The following TUBB2A variants were observed in gnomAD, a reference collection of about 807,000 sequenced individuals.
TUBB2A encodes tubulin beta-2A chain.
A neutral mutation model predicts 33.9 loss-of-function variants in TUBB2A; 7 were observed. That is an observed-to-expected ratio of 0.21 (90% CI 0.12 to 0.39). The LOEUF is 0.39. TUBB2A is among the 10% of genes least tolerant of loss of function. The pLI is 1.00. For missense variants in TUBB2A, 80 were observed against 593.4 expected (o/e 0.13, Z 8.99); for synonymous variants, 187 against 247.6 (o/e 0.76, Z 2.30).
chr6:3,156,196 G>A (rs1411048717), intron 1 of TUBB2A, 44 bp from the exon 2 acceptor site: 10 of 1,613,314 alleles, frequency 6.2e-6, no homozygotes, highest in South Asian at 2.2e-5. Context: ...CATCCTGAAT[G>A]TCACTAAGGA....
chr6:3,157,511 G>T lies in TUBB2A; in HGVS notation c.-48C>A. ...GCGCTGGCCCTCGGAGCGGTGCGCGGCGTGGACCGGCGGGCTGGGCTGCGC... is the reference window on the plus strand; with the variant it reads ...GCGCTGGCCCTCGGAGCGGTGCGCGTCGTGGACCGGCGGGCTGGGCTGCGC... On this transcript the variant is annotated 5_prime_UTR_variant, in exon 1 of 4. Transcript: ENST00000333628. 2 of 1,451,828 alleles carry T rather than the reference G, an allele frequency of 1.4e-6. No individual in the cohort carries two copies. Among genetic ancestry groups the T allele is most frequent in the Non-Finnish European group, 1.8e-6 (2 of 1,106,088 alleles). 89.9% of individuals were successfully genotyped at this position (1,451,828 alleles called of 1,614,324 possible). A position where few individuals can be genotyped will look rare whatever the true frequency, so the allele number is the denominator to read the frequency against.
At position 3,153,762 on chromosome 6, in the gene TUBB2A, T is replaced by C; in HGVS notation, c.*101A>G. 6.5e-7 allele frequency: 1 copy of C among 1,549,512 alleles called. No individual in the cohort carries two copies. The highest frequency in any genetic ancestry group is 8.8e-7 in the Non-Finnish European group (1 of 1,141,104). On this transcript the variant is annotated 3_prime_UTR_variant, in exon 4 of 4. Transcript: ENST00000333628. ...CATCATTACATCAACAGTGTGAATT[T>C]CTAACAGAGGCAAAACTGAGCACCA...
In TUBB2A at chr6:3,154,052, C is replaced by T. The variant is rs1762592051; in HGVS notation, c.1149G>A (p.Glu383=). 2 of 1,563,466 alleles carry T rather than the reference C, an allele frequency of 1.3e-6. No individual in the cohort carries two copies. Among genetic ancestry groups the T allele is most frequent in the African/African-American group, 1.5e-5 (1 of 67,806 alleles). Residue 383 remains glutamate (E), a synonymous_variant, in exon 4 of 4, where the codon GAG becomes GAA. Transcript: ENST00000333628. ...TGCGCCGGAACATGGCCGTGAACTG[C>T]TCGGAGATGCGCTTGAACAGCTCCT... ...AIQELFKRIS[E]QFTAMFRRKA... is the part of the protein sequence containing the mutation.
At chr6:3,156,242 G>A (rs1762630996) in intron 1 of TUBB2A, 90 bp from the exon 2 acceptor site, 1 of 1,437,898 alleles carries the variant, frequency 7.0e-7, no homozygotes, top group South Asian at 1.4e-5. Context: ...TGGAACAGGG[G>A]CTTTTGTGGT....
chr6:3,153,957 A>G lies in TUBB2A; in HGVS notation c.1244T>C (p.Met415Thr), dbSNP rs1225533404. Reference protein sequence around the residue: ...EMEFTEAESNMNDLVSEYQQY... With the variant: ...EMEFTEAESNTNDLVSEYQQY... ...CTGGTACTCGGACACCAGGTCGTTC[A>G]TGTTGCTCTCGGCCTCGGTGAACTC... The change falls in exon 4 of 4, where the codon ATG (methionine) becomes ACG (threonine). Residue 415 changes from methionine to threonine, a missense_variant. By Grantham distance (81) the Met-to-Thr change is moderately conservative. Transcript: ENST00000333628. 1.2e-6 allele frequency: 2 copies of G among 1,608,988 alleles called. No individual in the cohort carries two copies. Among genetic ancestry groups the G allele is most frequent in the Non-Finnish European group, 1.7e-6 (2 of 1,178,152 alleles).
chr6:3,154,811 G>A lies in TUBB2A; in HGVS notation c.390C>T (p.Leu130=), dbSNP rs1443565716. The change falls in exon 4 of 4, where the codon CTC becomes CTT. Residue 130 remains leucine (L), a synonymous_variant. Coordinates refer to ENST00000333628, the MANE Select transcript of TUBB2A (RefSeq NM_001069.3). ...VRKESESCDC[L]QGFQLTHSLG... ...GAGAGTGGGTCAGCTGGAAGCCCTGGAGACAGTCACAGCTCTCTGACTCCT... is the reference window on the plus strand; with the variant it reads ...GAGAGTGGGTCAGCTGGAAGCCCTGAAGACAGTCACAGCTCTCTGACTCCT... 1 of 1,611,354 alleles carries A rather than the reference G, an allele frequency of 6.2e-7. No individual in the cohort carries two copies. Among genetic ancestry groups the A allele is most frequent in the East Asian group, 2.2e-5 (1 of 44,758 alleles).
rs1365557549 is a variant in TUBB2A at position 3,154,773 on chromosome 6, G to C, written c.428C>G (p.Thr143Arg). 6.2e-7 allele frequency: 1 copy of C among 1,609,174 alleles called. No individual in the cohort carries two copies. Reference protein sequence around the residue: ...FQLTHSLGGGTGSGMGTLLIS... With the variant: ...FQLTHSLGGGRGSGMGTLLIS... ...GAGCAGGGTGCCCATCCCGGACCCCGTGCCGCCCCCCAGAGAGTGGGTCAG... is the reference window on the plus strand; with the variant it reads ...GAGCAGGGTGCCCATCCCGGACCCCCTGCCGCCCCCCAGAGAGTGGGTCAG... Residue 143 changes from threonine (T) to arginine (R), a missense_variant, in exon 4 of 4, where the codon ACG becomes AGG. Transcript: ENST00000333628.
intron 1 of TUBB2A, among the ~76,000 whole-genome samples, chr6:3,156,717 G>A (rs1235964377): frequency 6.6e-6 from 1 of 152,262 alleles, no homozygotes; most frequent in Non-Finnish European, 1.5e-5. Context: ...AGTGGAAGGA[G>A]CTGGCCATCG....
Position 3,153,692 on chromosome 6 carries a change from A to G in TUBB2A, c.*171T>C. 2 of 1,062,218 alleles carry G rather than the reference A, an allele frequency of 1.9e-6. No individual in the cohort carries two copies. The highest frequency in any genetic ancestry group is 1.3e-6 in the Non-Finnish European group (1 of 745,092). The allele number at this position is 1,062,218 out of a possible 1,614,324, so 65.8% of individuals were successfully genotyped here. A position where few individuals can be genotyped will look rare whatever the true frequency, so the allele number is the denominator to read the frequency against. On this transcript the variant is annotated 3_prime_UTR_variant, in exon 4 of 4. Transcript: ENST00000333628. Reference sequence around the variant, plus strand: ...TTTCTACACATGCTTTTTTATTAGTATAGATACCTTCACAGACAATACTGT... The same window carrying G: ...TTTCTACACATGCTTTTTTATTAGTGTAGATACCTTCACAGACAATACTGT...
In TUBB2A at chr6:3,156,056, T is replaced by G; in HGVS notation, c.154A>C (p.Asn52His). The change falls in exon 2 of 4, where the codon AAT becomes CAT. Residue 52 changes from asparagine to histidine, a missense_variant. Asn to His is a moderately conservative substitution (Grantham distance 68). Transcript: ENST00000333628. Reference protein sequence around the residue: ...LQLERINVYYNEAAGNKYVPR... With the variant: ...LQLERINVYYHEAAGNKYVPR... Reference sequence around the variant, plus strand: ...TCCCGCTACTCACCAGCAGCCTCATTGTAGTACACGTTGATTCTCTCCAGC... The same window carrying G: ...TCCCGCTACTCACCAGCAGCCTCATGGTAGTACACGTTGATTCTCTCCAGC... 1 of 1,605,522 alleles carries G rather than the reference T, an allele frequency of 6.2e-7. No homozygotes were observed. The highest frequency in any genetic ancestry group is 8.5e-7 in the Non-Finnish European group (1 of 1,174,222).
In TUBB2A at chr6:3,157,470, G is replaced by C; in HGVS notation, c.-7C>G. The C allele has an allele frequency of 1.3e-6, 2 of 1,528,662 alleles. No individual in the cohort carries two copies. The highest frequency in any genetic ancestry group is 1.7e-6 in the Non-Finnish European group (2 of 1,144,426). 94.7% of individuals were successfully genotyped at this position (1,528,662 alleles called of 1,614,324 possible). A position where few individuals can be genotyped will look rare whatever the true frequency, so the allele number is the denominator to read the frequency against. ...TGTGCACGATCTCGCGCATGGTGCCGGCTGCGGAGCGGGTGGCGCTGGCCC... is the reference window on the plus strand; with the variant it reads ...TGTGCACGATCTCGCGCATGGTGCCCGCTGCGGAGCGGGTGGCGCTGGCCC... On this transcript the variant is annotated 5_prime_UTR_variant, in exon 1 of 4. Transcript: ENST00000333628.
intron 3 of TUBB2A, 37 bp from the exon 4 acceptor site, chr6:3,154,960 T>A: frequency 6.2e-7 from 1 of 1,613,318 alleles, no homozygotes; most frequent in Non-Finnish European, 8.5e-7. Flanking sequence ...CACTAAAACA[T>A]AAGGAATTTC....
chr6:3,156,864 G>T (rs1450368218), intron 1 of TUBB2A, among the ~76,000 whole-genome samples: 2 of 152,022 alleles, frequency 1.3e-5, no homozygotes, highest in African/African-American at 4.8e-5. Flanking sequence ...CCCACACAGC[G>T]GTCGGTAATT....
In TUBB2A at chr6:3,153,832, A is replaced by T; in HGVS notation, c.*31T>A. On this transcript the variant is annotated 3_prime_UTR_variant, in exon 4 of 4. Transcript: ENST00000333628. ...CCATGCTTGAGGACAACAGAAGTTC[A>T]CTAAGGATGCACGATTGATCTGAGA... The T allele has an allele frequency of 1.9e-6, 3 of 1,612,726 alleles. No homozygotes were observed. The highest frequency in any genetic ancestry group is 2.5e-6 in the Non-Finnish European group (3 of 1,178,756).
rs1762610725 is a variant in TUBB2A at position 3,155,147 on chromosome 6, T to C, written c.278-224A>G. On this transcript the variant is annotated intron_variant, in intron 3 of 3. Coordinates refer to ENST00000333628, the MANE Select transcript of TUBB2A (RefSeq NM_001069.3). The surrounding 1 kb of genome is among the most constrained non-coding windows in gnomAD (Gnocchi z 4.2). ...AGTTTAGCTCATCTGAGGCTATTGA[T>C]TGAGGAAGAGGATAGGGTTAGAAAA... 1.5e-5 allele frequency: 19 copies of C among 1,266,320 alleles called. No homozygotes were observed. The highest frequency in any genetic ancestry group is 1.9e-5 in the Non-Finnish European group (18 of 941,496). The allele number at this position is 1,266,320 out of a possible 1,614,324, so 78.4% of individuals were successfully genotyped here.
rs769537925 is a variant in TUBB2A, at chr6:3,157,507, C to G, written c.-44G>C. The G allele has an allele frequency of 6.8e-7, 1 of 1,469,462 alleles. No homozygotes were observed. Among genetic ancestry groups the G allele is most frequent in the South Asian group, 1.3e-5 (1 of 77,236 alleles). The allele number at this position is 1,469,462 out of a possible 1,614,324, so 91.0% of individuals were successfully genotyped here. On this transcript the variant is annotated 5_prime_UTR_variant, in exon 1 of 4. Coordinates refer to ENST00000333628, the MANE Select transcript of TUBB2A (RefSeq NM_001069.3). ...GGTGGCGCTGGCCCTCGGAGCGGTG[C>G]GCGGCGTGGACCGGCGGGCTGGGCT...
At position 3,154,627 on chromosome 6, in the gene TUBB2A, G is replaced by A; in HGVS notation, c.574C>T (p.Leu192=). 1 of 1,614,142 alleles carries A rather than the reference G, an allele frequency of 6.2e-7. No individual in the cohort carries two copies. The highest frequency in any genetic ancestry group is 8.5e-7 in the Non-Finnish European group (1 of 1,179,998). Residue 192 remains leucine, a synonymous_variant, in exon 4 of 4, where the codon CTG becomes TTG. Coordinates refer to ENST00000333628, the MANE Select transcript of TUBB2A (RefSeq NM_001069.3). ...PYNATLSVHQ[L]VENTDETYSI... is the part of the protein sequence containing the mutation. The stretch of plus-strand genomic sequence containing the variant: ...TAGGTTTCATCTGTGTTTTCCACCA[G>A]CTGGTGGACAGAGAGGGTGGCGTTG...
In TUBB2A at chr6:3,155,784, C is replaced by G. The variant is rs76684628; in HGVS notation, c.167-49G>C. 6.8e-7 allele frequency: 1 copy of G among 1,478,686 alleles called. No homozygotes were observed. Among genetic ancestry groups the G allele is most frequent in the Non-Finnish European group, 9.4e-7 (1 of 1,069,100 alleles). 91.6% of individuals were successfully genotyped at this position (1,478,686 alleles called of 1,614,324 possible). A position where few individuals can be genotyped will look rare whatever the true frequency, so the allele number is the denominator to read the frequency against. On this transcript the variant is annotated intron_variant, in intron 2 of 3. Coordinates refer to ENST00000333628, the MANE Select transcript of TUBB2A (RefSeq NM_001069.3). The surrounding 1 kb of genome is among the most constrained non-coding windows in gnomAD (Gnocchi z 4.2). ...AGGCCTGTGCTTGGGGAGGGACTCA[C>G]AGCAGCATTCAATTCCAGCATCTGA...
In TUBB2A at chr6:3,155,750, A is replaced by C. The variant is rs759304011; in HGVS notation, c.167-15T>G. 2 of 1,601,910 alleles carry C rather than the reference A, an allele frequency of 1.2e-6. No individual in the cohort carries two copies. Among genetic ancestry groups the C allele is most frequent in the South Asian group, 2.2e-5 (2 of 90,782 alleles). Reference sequence around the variant, plus strand: ...ATATTTGTTACCTGCAGGAAATAAGAACTGACTCAGGCCTGTGCTTGGGGA... The same window carrying C: ...ATATTTGTTACCTGCAGGAAATAAGCACTGACTCAGGCCTGTGCTTGGGGA... On this transcript the variant is annotated splice_polypyrimidine_tract_variant and intron_variant, in intron 2 of 3. Transcript: ENST00000333628. This position sits in a 1 kb window ranked among gnomAD's most constrained non-coding sequence, Gnocchi z 4.2.
Sources: allele counts gnomAD v4.1 joint callset (sites outside exome capture counted in the v4.1 genomes callset), GRCh38; gene constraint gnomAD v4.1.1; non-coding constraint Gnocchi (gnomAD v3.1); transcripts MANE v1.5; gene names NCBI Gene and HGNC (gene_info 2026-07-23, HGNC 2026-07-21).